The following TJP1 variants were observed in gnomAD, a reference collection of about 807,000 sequenced individuals.
TJP1 encodes tight junction protein ZO-1.
TJP1 carries 43 observed loss-of-function variants against 194.2 expected under a neutral mutation model. That is an observed-to-expected ratio of 0.22 (90% CI 0.17 to 0.29). TJP1 has a LOEUF of 0.29. Ranked by LOEUF, TJP1 falls within the 10% of genes least tolerant of loss-of-function variation. The pLI, the probability that TJP1 is intolerant of heterozygous loss-of-function variation, is 1.00. For missense variants in TJP1, 1,971 were observed against 2,185.7 expected (o/e 0.90, Z 1.96); for synonymous variants, 801 against 779.0 (o/e 1.03, Z -0.47).
chr15:29,935,481 C>G (rs774280891), intron 2 of TJP1, among the ~76,000 whole-genome samples: 1 of 152,124 alleles, frequency 6.6e-6, no homozygotes, highest in Non-Finnish European at 1.5e-5. Flanking sequence ...TAGGACAGGA[C>G]AGTCAGGAAT....
intron 24 of TJP1, 96 bp from the exon 25 acceptor site, chr15:29,709,132 A>C: frequency 8.3e-7 from 1 of 1,207,186 alleles, no homozygotes; most frequent in African/African-American, 1.5e-5. Context: ...GTCGAGGCCC[A>C]AATGTGGGTC....
chr15:29,893,654 C>T (rs1228999458), intron 2 of TJP1, among the ~76,000 whole-genome samples: 2 of 152,136 alleles, frequency 1.3e-5, no homozygotes, highest in African/African-American at 2.4e-5. Context: ...TAATCACTAG[C>T]ATTTTTAACA....
intron 1 of TJP1, among the ~76,000 whole-genome samples, chr15:29,964,358 T>C (rs1314463056): frequency 6.6e-6 from 1 of 151,762 alleles, no homozygotes; most frequent in Non-Finnish European, 1.5e-5. Flanking sequence ...ATTTATTTTA[T>C]GAGTTCCTAG....
intron 8 of TJP1, among the ~76,000 whole-genome samples, chr15:29,756,961 TTAC>T (rs1275567468): frequency 6.6e-6 from 1 of 152,194 alleles, no homozygotes; most frequent in African/African-American, 2.4e-5. Flanking sequence ...GATACTATTA[TTAC>T]TACTATGAAT....
At chr15:29,956,627 C>A (rs1441267850) in intron 1 of TJP1, among the ~76,000 whole-genome samples, 1 of 152,208 alleles carries the variant, frequency 6.6e-6, no homozygotes, top group Non-Finnish European at 1.5e-5. Flanking sequence ...ACCTTGTAAT[C>A]TCAGTACTTT....
At chr15:29,911,715 T>C (rs1350113616) in intron 2 of TJP1, among the ~76,000 whole-genome samples, 1 of 152,228 alleles carries the variant, frequency 6.6e-6, no homozygotes, top group Non-Finnish European at 1.5e-5. Flanking sequence ...CTGTGGATTA[T>C]AATTTGACTT....
chr15:29,965,867 T>C (rs888402581), intron 1 of TJP1, among the ~76,000 whole-genome samples: 2 of 152,202 alleles, frequency 1.3e-5, no homozygotes. Flanking sequence ...ATCAGATGAA[T>C]GTTTGCAAGT....
At chr15:29,764,429 A>G (rs1264607144) in intron 5 of TJP1, among the ~76,000 whole-genome samples, 4 of 152,210 alleles carry the variant, frequency 2.6e-5, no homozygotes, top group African/African-American at 4.8e-5. Context: ...ACTAATAAAG[A>G]AAGGGGCAAA....
At chr15:29,707,351 C>A (rs2151010479) in intron 25 of TJP1, among the ~76,000 whole-genome samples, 1 of 152,290 alleles carries the variant, frequency 6.6e-6, no homozygotes, top group Middle Eastern at 3.4e-3. Flanking sequence ...TGCCGTTTCA[C>A]TCCAGCATGA....
upstream of TJP1, among the ~76,000 whole-genome samples, chr15:29,825,679 G>C (rs944199606): frequency 4.6e-5 from 7 of 152,174 alleles, no homozygotes; most frequent in African/African-American, 1.7e-4. Flanking sequence ...GTTTACGCTT[G>C]ACAAAGAGGA....
chr15:29,809,098 T>G (rs2049312027), intron 1 of TJP1, among the ~76,000 whole-genome samples: 1 of 152,194 alleles, frequency 6.6e-6, no homozygotes, highest in African/African-American at 2.4e-5. Context: ...ATATGCTATG[T>G]GCAAAATATA....
intron 2 of TJP1, among the ~76,000 whole-genome samples, chr15:29,945,988 G>A (rs1764477592): frequency 6.6e-6 from 1 of 152,144 alleles, no homozygotes; most frequent in African/African-American, 2.4e-5. Context: ...GGGAACCAGA[G>A]CCTCCTTGAA....
rs181940241 is a variant in TJP1, at chr15:29,947,388, C to T, written c.306+8844G>A. Among the ~76,000 whole-genome samples, 16 of 152,246 alleles carry T rather than the reference C, an allele frequency of 1.1e-4. 1 individual carries two copies. Among genetic ancestry groups the T allele is most frequent in the African/African-American group, 3.1e-4 (13 of 41,534 alleles). On this transcript the variant is annotated intron_variant, in intron 2 of 28. Coordinates refer to the TJP1 transcript ENST00000356107. ...TTGAATTATGCAGACACCTCAGATA[C>T]GTATCTCTGAAAATGCCATGACAGC...
chr15:29,771,790 G>A (rs565993415), intron 4 of TJP1, among the ~76,000 whole-genome samples: 1 of 150,206 alleles, frequency 6.7e-6, no homozygotes, highest in East Asian at 1.9e-4. Flanking sequence ...GGGCGACAGA[G>A]CGAGACTCCG....
At chr15:29,779,455 T>C (rs2047217363) in intron 2 of TJP1, among the ~76,000 whole-genome samples, 8 of 152,196 alleles carry the variant, frequency 5.3e-5, no homozygotes, top group Admixed American at 5.2e-4. Flanking sequence ...GGGTTTGAGA[T>C]TTGTTCTCCC....
In TJP1 at chr15:29,890,891, C is replaced by T. The variant is rs567738563; in HGVS notation, c.306+65341G>A. ...TCTGCCAGCGAGATGTCTACTTGTT[C>T]CAGTGCAGCCCGGTGAAGCCTGCAT... On this transcript the variant is annotated intron_variant, in intron 2 of 28. Coordinates refer to the TJP1 transcript ENST00000356107. Among the ~76,000 whole-genome samples, 141 of 152,238 alleles carry T rather than the reference C, an allele frequency of 9.3e-4. No individual in the cohort carries two copies. In the Middle Eastern group the frequency reaches 0.017, roughly 18 times the overall value.
chr15:29,809,279 A>T (rs773399644), intron 1 of TJP1, among the ~76,000 whole-genome samples: 1 of 152,218 alleles, frequency 6.6e-6, no homozygotes, highest in Non-Finnish European at 1.5e-5. Context: ...TGGTGTGGCT[A>T]CTACATTAGA....
intron 2 of TJP1, among the ~76,000 whole-genome samples, chr15:29,836,154 T>C (rs1360642524): frequency 6.6e-6 from 1 of 152,196 alleles, no homozygotes; most frequent in African/African-American, 2.4e-5. Flanking sequence ...AGCAGCTTGG[T>C]ACACTCTTCA....
intron 2 of TJP1, among the ~76,000 whole-genome samples, chr15:29,779,637 T>G (rs765599028): frequency 1.3e-5 from 2 of 152,226 alleles, no homozygotes; most frequent in African/African-American, 4.8e-5. Context: ...CAACAAGTAT[T>G]TGATTGATTA....
Sources: allele counts gnomAD v4.1 joint callset (sites outside exome capture counted in the v4.1 genomes callset), GRCh38; gene constraint gnomAD v4.1.1; transcripts MANE v1.5; gene names NCBI Gene and HGNC (gene_info 2026-07-23, HGNC 2026-07-21).